MSRB3: variants seen among roughly 807,000 people sequenced by gnomAD.
MSRB3 encodes the protein methionine-R-sulfoxide reductase B3.
In MSRB3, 13 loss-of-function variants were observed where a neutral mutation model predicts 21.0. The ratio of observed to expected loss-of-function variants is 0.62; its 90% confidence interval spans 0.40 to 0.98. The LOEUF (loss-of-function observed/expected upper bound fraction) is 0.98. Among genes scored for constraint, MSRB3 ranks in the 50% least tolerant of loss-of-function variants. The pLI, the probability that MSRB3 is intolerant of heterozygous loss-of-function variation, is 0.00. For synonymous variants in MSRB3, 87 were observed against 88.6 expected, an observed-to-expected ratio of 0.98 and a Z score of 0.10; for missense variants, 199 against 230.3, an observed-to-expected ratio of 0.86 and a Z score of 0.88.
At chr12:65,389,738 G>A (rs1422321075) in intron 5 of MSRB3, among the ~76,000 whole-genome samples, 1 of 152,086 alleles carries the variant, frequency 6.6e-6, no homozygotes, top group Non-Finnish European at 1.5e-5. Context: ...TCTGGGTCCT[G>A]GATTTGTTTT....
intron 2 of MSRB3, among the ~76,000 whole-genome samples, chr12:65,321,098 T>A (rs1738281644): frequency 6.6e-6 from 1 of 152,188 alleles, no homozygotes; most frequent in East Asian, 1.9e-4. Context: ...TCACTCCCAG[T>A]CCTCCAGTTT....
chr12:65,317,201 A>T (rs570373088), intron 2 of MSRB3, among the ~76,000 whole-genome samples: 1 of 152,164 alleles, frequency 6.6e-6, no homozygotes, highest in East Asian at 1.9e-4. Flanking sequence ...AGGGACACTA[A>T]TTCTACTAAC....
chr12:65,395,464 TA>T lies in MSRB3; in HGVS notation c.292+26451del, dbSNP rs775443368. On this transcript the variant is annotated intron_variant, in intron 5 of 6. Transcript: ENST00000308259. ...CTGGGTGACAGAGTGAGACTCCATC[TA>T]AAAAAAAAAAAATCCTAAGGAATCC... Among the ~76,000 whole-genome samples the T allele has an allele frequency of 8.4e-3, 1,182 of 140,722 alleles. 3 individuals carry two copies. Among genetic ancestry groups the T allele is most frequent in the African/African-American group, 0.013 (488 of 38,414 alleles). The allele number at this position is 140,722 out of a possible 152,430, so 92.3% of individuals were successfully genotyped here.
intron 1 of MSRB3, among the ~76,000 whole-genome samples, chr12:65,287,131 C>CT (rs368441408): frequency 0.019 from 2,329 of 124,676 alleles, 48 homozygotes; most frequent in Admixed American, 0.051. Context: ...TTTCATTTCT[C>CT]TTTTTTTTTT....
intron 5 of MSRB3, among the ~76,000 whole-genome samples, chr12:65,423,422 C>G (rs1881424948): frequency 6.6e-6 from 1 of 152,164 alleles, no homozygotes; most frequent in Admixed American, 6.5e-5. Flanking sequence ...GCACCCTTGT[C>G]TTGTTTCAGA....
chr12:65,317,359 TA>T, intron 2 of MSRB3, among the ~76,000 whole-genome samples: 1 of 152,336 alleles, frequency 6.6e-6, no homozygotes, highest in Middle Eastern at 3.4e-3. Context: ...GAATGTATTA[TA>T]GTTTGGCCAC....
chr12:65,391,716 A>G (rs1879491833), intron 5 of MSRB3, among the ~76,000 whole-genome samples: 2 of 152,232 alleles, frequency 1.3e-5, no homozygotes, highest in African/African-American at 4.8e-5. Context: ...CAGAAAAATT[A>G]GATTTTAAGG....
intron 4 of MSRB3, among the ~76,000 whole-genome samples, chr12:65,366,809 C>T (rs1878039286): frequency 6.6e-6 from 1 of 152,012 alleles, no homozygotes; most frequent in South Asian, 2.1e-4. Flanking sequence ...ATTTCTAGGC[C>T]CCACTTACTG....
chr12:65,360,559 A>G (rs1009274919), intron 4 of MSRB3, among the ~76,000 whole-genome samples: 2 of 152,044 alleles, frequency 1.3e-5, no homozygotes, highest in African/African-American at 4.8e-5. Context: ...CTACAGATGC[A>G]CCTTTTCGTC....
chr12:65,373,773 G>A (rs975706096), intron 5 of MSRB3, among the ~76,000 whole-genome samples: 2 of 152,262 alleles, frequency 1.3e-5, no homozygotes, highest in African/African-American at 2.4e-5. Context: ...GATCCTAAAA[G>A]ACATGATTAT....
At chr12:65,352,172 T>G (rs1160098386) in intron 4 of MSRB3, among the ~76,000 whole-genome samples, 2 of 152,144 alleles carry the variant, frequency 1.3e-5, no homozygotes, top group East Asian at 3.8e-4. Context: ...TGCAAATCAA[T>G]AAATGTAATC....
At chr12:65,419,096 C>G in intron 5 of MSRB3, 1 of 692,718 alleles carries the variant, frequency 1.4e-6, no homozygotes, top group Non-Finnish European at 2.6e-6. Flanking sequence ...AGGTCAGTCT[C>G]CGAGGACTGG....
intron 4 of MSRB3, among the ~76,000 whole-genome samples, chr12:65,331,795 G>A (rs1038193570): frequency 3.3e-5 from 5 of 152,218 alleles, no homozygotes; most frequent in South Asian, 2.1e-4. Flanking sequence ...GAAAAGCTGC[G>A]TACACGGGAG....
chr12:65,447,650 GTAAT>G, intron 5 of MSRB3, among the ~76,000 whole-genome samples: 2 of 152,300 alleles, frequency 1.3e-5, no homozygotes, highest in African/African-American at 4.8e-5. Context: ...TGGTAGGTGA[GTAAT>G]TGTCTTTGGA....
At chr12:65,425,287 G>A (rs1881544201) in intron 5 of MSRB3, among the ~76,000 whole-genome samples, 1 of 151,672 alleles carries the variant, frequency 6.6e-6, no homozygotes, top group Admixed American at 6.6e-5. Flanking sequence ...AATATAGTTG[G>A]GTCTTGTGTT....
At chr12:65,406,955 T>A (rs905156468) in intron 5 of MSRB3, among the ~76,000 whole-genome samples, 1 of 152,236 alleles carries the variant, frequency 6.6e-6, no homozygotes, top group Non-Finnish European at 1.5e-5. Context: ...AATCTGCCAG[T>A]GCCTTGATCT....
intron 1 of MSRB3, among the ~76,000 whole-genome samples, chr12:65,292,826 C>T (rs1872737299): frequency 6.6e-6 from 1 of 152,006 alleles, no homozygotes. Flanking sequence ...GCCATGCTGC[C>T]TCTTGAAAAA....
intron 3 of MSRB3, 151 bp downstream of exon 3, chr12:65,327,085 T>G (rs550360952): frequency 2.4e-5 from 16 of 666,144 alleles, no homozygotes; most frequent in East Asian, 5.5e-5. Flanking sequence ...TAAAATGGTG[T>G]TGTTTAGGTT....
At chr12:65,376,104 G>A (rs1042696036) in intron 5 of MSRB3, among the ~76,000 whole-genome samples, 9 of 149,668 alleles carry the variant, frequency 6.0e-5, no homozygotes, top group Non-Finnish European at 1.3e-4. Flanking sequence ...GACAGTGAAA[G>A]GAATGAGTTT....
Sources: allele counts gnomAD v4.1 joint callset (sites outside exome capture counted in the v4.1 genomes callset), GRCh38; gene constraint gnomAD v4.1.1; transcripts MANE v1.5; gene names NCBI Gene and HGNC (gene_info 2026-07-23, HGNC 2026-07-21).